The following ZNF891 variants were observed in gnomAD, a reference collection of about 807,000 sequenced individuals.
ZNF891 encodes the protein zinc finger protein 891.
For missense variants in ZNF891, 589 were observed against 632.7 expected, an observed-to-expected ratio of 0.93 and a Z score of 0.74; for synonymous variants, 199 against 209.0, an observed-to-expected ratio of 0.95 and a Z score of 0.41.
At position 133,108,440 on chromosome 12, in the gene ZNF891, CT is replaced by C. The variant is rs1353358682; in HGVS notation, c.*11843del. The C allele has an allele frequency of 1.3e-5, 2 of 152,100 alleles. No individual in the cohort carries two copies. Among genetic ancestry groups the C allele is most frequent in the African/African-American group, 2.4e-5 (1 of 41,418 alleles). 9.4% of individuals were successfully genotyped at this position (152,100 alleles called of 1,614,324 possible). On this transcript the variant is annotated 3_prime_UTR_variant, in exon 2 of 2. Coordinates refer to ENST00000537226, the MANE Select transcript of ZNF891 (RefSeq NM_001277291.2). ...TCTCCCATTATCTGCTCCACATCCA[CT>C]TTCCTTCCTACTGTTTACTCTGTGG...
Position 133,111,945 on chromosome 12 carries a change from A to AT in ZNF891, c.*8338dup, listed in dbSNP as rs1171425523. On this transcript the variant is annotated 3_prime_UTR_variant, in exon 2 of 2. Coordinates refer to ENST00000537226, the MANE Select transcript of ZNF891 (RefSeq NM_001277291.2). ...GCAAATAGCTTCCTAGTCTCTCAAG[A>AT]TTTTTTTATACAAAAATGTGATCTT... 1.3e-5 allele frequency: 2 copies of AT among 152,164 alleles called. No homozygotes were observed. The highest frequency in any genetic ancestry group is 4.8e-5 in the African/African-American group (2 of 41,448). 9.4% of individuals were successfully genotyped at this position (152,164 alleles called of 1,614,324 possible). A position where few individuals can be genotyped will look rare whatever the true frequency, so the allele number is the denominator to read the frequency against.
rs1020466821 is a variant in ZNF891 at position 133,106,928 on chromosome 12, G to A, written c.*13356C>T. Reference sequence around the variant, plus strand: ...GGTAATGTTGAGAAGACTTCATTTGGTAGGAGTCCCTTACTTTACGTGTGT... The same window carrying A: ...GGTAATGTTGAGAAGACTTCATTTGATAGGAGTCCCTTACTTTACGTGTGT... On this transcript the variant is annotated 3_prime_UTR_variant, in exon 2 of 2. Coordinates refer to ENST00000537226, the MANE Select transcript of ZNF891 (RefSeq NM_001277291.2). 31 of 257,620 alleles carry A rather than the reference G, an allele frequency of 1.2e-4. No homozygotes were observed. Among genetic ancestry groups the A allele is most frequent in the African/African-American group, 6.3e-4 (28 of 44,444 alleles). The allele number at this position is 257,620 out of a possible 1,614,324, so 16.0% of individuals were successfully genotyped here. A position where few individuals can be genotyped will look rare whatever the true frequency, so the allele number is the denominator to read the frequency against.
intron 1 of ZNF891, among the ~76,000 whole-genome samples, chr12:133,127,751 T>C (rs983071808): frequency 6.6e-6 from 1 of 152,206 alleles, no homozygotes; most frequent in Non-Finnish European, 1.5e-5. Context: ...GCCAGCGTGC[T>C]GCATGCCTAC....
In ZNF891 at chr12:133,120,335, G is replaced by A. The variant is rs879828881; in HGVS notation, c.1584C>T (p.Ser528=). 1 of 1,568,130 alleles carries A rather than the reference G, an allele frequency of 6.4e-7. No individual in the cohort carries two copies. Among genetic ancestry groups the A allele is most frequent in the Non-Finnish European group, 8.6e-7 (1 of 1,159,656 alleles). Residue 528 remains serine (S), a synonymous_variant, in exon 2 of 2, where the codon AGC becomes AGT. Coordinates refer to ENST00000537226, the MANE Select transcript of ZNF891 (RefSeq NM_001277291.2). ...CIQCGKAFSQ[S]SSLIIHKRIH... ...TTCTCTTGTGTATAATAAGTGAAGA[G>A]CTCTGACTGAAGGCTTTTCCACATT...
chr12:133,126,416 G>A (rs957351353), intron 1 of ZNF891, among the ~76,000 whole-genome samples: 5 of 147,830 alleles, frequency 3.4e-5, no homozygotes, highest in African/African-American at 1.2e-4. Context: ...GGAGCTTGCA[G>A]TGAGCCGAGG....
rs933634302 is a variant in ZNF891, at chr12:133,106,061, C to A, written c.*14223G>T. 4 of 1,614,032 alleles carry A rather than the reference C, an allele frequency of 2.5e-6. No homozygotes were observed. The highest frequency in any genetic ancestry group is 3.4e-6 in the Non-Finnish European group (4 of 1,180,014). On this transcript the variant is annotated 3_prime_UTR_variant, in exon 2 of 2. Transcript: ENST00000537226. The stretch of plus-strand genomic sequence containing the variant: ...CTTTAGCCGTGCCTCCAACCTCACT[C>A]GACATCAAAGAATTCACATAGGAAA...
rs907555729 is a variant in ZNF891, at chr12:133,116,489, G to A, written c.*3795C>T. The A allele has an allele frequency of 1.5e-4, 23 of 152,268 alleles. No homozygotes were observed. The highest frequency in any genetic ancestry group is 5.1e-4 in the African/African-American group (21 of 41,436). The allele number at this position is 152,268 out of a possible 1,614,324, so 9.4% of individuals were successfully genotyped here. On this transcript the variant is annotated 3_prime_UTR_variant, in exon 2 of 2. Transcript: ENST00000537226. ...CTGAAACCACTTGGTTTCACAGCAT[G>A]ACTGCAGGCTCTCCTTTCCAAGCTA...
chr12:133,120,379 T>C lies in ZNF891; in HGVS notation c.1540A>G (p.Lys514Glu). The change falls in exon 2 of 2, where the codon AAA becomes GAA. Residue 514 changes from lysine (K) to glutamate (E), a missense_variant. Coordinates refer to ENST00000537226, the MANE Select transcript of ZNF891 (RefSeq NM_001277291.2). ...RRHVRIHTGEKPYECIQCGKA... is the reference protein window; with the variant it reads ...RRHVRIHTGEEPYECIQCGKA... ...CCACATTGAATACATTCATAGGGTT[T>C]CTCTCCAGTGTGAATTCTCACATGC... 6.3e-7 allele frequency: 1 copy of C among 1,593,920 alleles called. No homozygotes were observed. The highest frequency in any genetic ancestry group is 8.5e-7 in the Non-Finnish European group (1 of 1,171,056).
At position 133,117,510 on chromosome 12, in the gene ZNF891, T is replaced by C. The variant is rs1189073815; in HGVS notation, c.*2774A>G. Reference sequence around the variant, plus strand: ...ACCCATTTTTCTACTCCTGAAAGAATGGTGGGAGTATCCCTCCGCCTCATG... The same window carrying C: ...ACCCATTTTTCTACTCCTGAAAGAACGGTGGGAGTATCCCTCCGCCTCATG... On this transcript the variant is annotated 3_prime_UTR_variant, in exon 2 of 2. Transcript: ENST00000537226. 6.6e-6 allele frequency: 1 copy of C among 152,220 alleles called. No individual in the cohort carries two copies. Among genetic ancestry groups the C allele is most frequent in the East Asian group, 1.9e-4 (1 of 5,200 alleles). The allele number at this position is 152,220 out of a possible 1,614,324, so 9.4% of individuals were successfully genotyped here. A position where few individuals can be genotyped will look rare whatever the true frequency, so the allele number is the denominator to read the frequency against.
Position 133,118,671 on chromosome 12 carries a change from A to G in ZNF891, c.*1613T>C, listed in dbSNP as rs543319292. 1 of 152,322 alleles carries G rather than the reference A, an allele frequency of 6.6e-6. No homozygotes were observed. Among genetic ancestry groups the G allele is most frequent in the South Asian group, 2.1e-4 (1 of 4,826 alleles). The allele number at this position is 152,322 out of a possible 1,614,324, so 9.4% of individuals were successfully genotyped here. A position where few individuals can be genotyped will look rare whatever the true frequency, so the allele number is the denominator to read the frequency against. On this transcript the variant is annotated 3_prime_UTR_variant, in exon 2 of 2. Transcript: ENST00000537226. ...AAATTGGTAACTTCCCCTCTGTCTG[A>G]AAACTTTCTGTAGTTCCAATGCTGA...
chr12:133,124,995 C>T (rs1158784782), intron 1 of ZNF891, among the ~76,000 whole-genome samples: 1 of 151,786 alleles, frequency 6.6e-6, no homozygotes, highest in African/African-American at 2.4e-5. Flanking sequence ...ACAGCATATT[C>T]AAAAGAGCAC....
Position 133,106,218 on chromosome 12 carries a change from C to T in ZNF891, c.*14066G>A. ...TGTGGGAAGGCATTTCGCCGTTTCT[C>T]ACACCTTACTCGACATCAGAGCATC... On this transcript the variant is annotated 3_prime_UTR_variant, in exon 2 of 2. Coordinates refer to ENST00000537226, the MANE Select transcript of ZNF891 (RefSeq NM_001277291.2). 3 of 1,614,188 alleles carry T rather than the reference C, an allele frequency of 1.9e-6. No individual in the cohort carries two copies. Among genetic ancestry groups the T allele is most frequent in the Non-Finnish European group, 1.7e-6 (2 of 1,180,032 alleles).
rs780459683 is a variant in ZNF891 at position 133,120,343 on chromosome 12, T to A, written c.1576A>T (p.Ser526Cys). 6.3e-7 allele frequency: 1 copy of A among 1,576,246 alleles called. No individual in the cohort carries two copies. Residue 526 changes from serine to cysteine, a missense_variant, in exon 2 of 2, where the codon AGT (serine) becomes TGT (cysteine). Coordinates refer to ENST00000537226, the MANE Select transcript of ZNF891 (RefSeq NM_001277291.2). ...TGTATAATAAGTGAAGAGCTCTGAC[T>A]GAAGGCTTTTCCACATTGAATACAT... is the stretch of plus-strand genomic sequence containing the variant. ...YECIQCGKAF[S>C]QSSSLIIHKR...
At position 133,120,882 on chromosome 12, in the gene ZNF891, T is replaced by C; in HGVS notation, c.1037A>G (p.Lys346Arg). Reference protein sequence around the residue: ...TLYKKSHMGEKQYECKECGKV... With the variant: ...TLYKKSHMGERQYECKECGKV... Reference sequence around the variant, plus strand: ...ACCACATTCTTTACATTCATATTGTTTCTCACCCATGTGACTTTTCTTGTA... The same window carrying C: ...ACCACATTCTTTACATTCATATTGTCTCTCACCCATGTGACTTTTCTTGTA... The change falls in exon 2 of 2, where the codon AAA (lysine) becomes AGA (arginine). Residue 346 changes from lysine to arginine, a missense_variant. Lys to Arg is a conservative substitution (Grantham distance 26, BLOSUM62 2). Coordinates refer to ENST00000537226, the MANE Select transcript of ZNF891 (RefSeq NM_001277291.2). 6.5e-7 allele frequency: 1 copy of C among 1,541,054 alleles called. No individual in the cohort carries two copies. Among genetic ancestry groups the C allele is most frequent in the Middle Eastern group, 1.7e-4 (1 of 5,992 alleles).
chr12:133,120,076 G>T lies in ZNF891; in HGVS notation c.*208C>A. 1 of 443,026 alleles carries T rather than the reference G, an allele frequency of 2.3e-6. No homozygotes were observed. The highest frequency in any genetic ancestry group is 4.0e-6 in the Non-Finnish European group (1 of 252,626). 27.4% of individuals were successfully genotyped at this position (443,026 alleles called of 1,614,324 possible). Reference sequence around the variant, plus strand: ...AGAAACCAACAATAAAAAGATAACTGAAAATATACCTACCTCACATATTAA... The same window carrying T: ...AGAAACCAACAATAAAAAGATAACTTAAAATATACCTACCTCACATATTAA... On this transcript the variant is annotated 3_prime_UTR_variant, in exon 2 of 2. Transcript: ENST00000537226.
At chr12:133,125,268 A>T (rs1007242744) in intron 1 of ZNF891, among the ~76,000 whole-genome samples, 2 of 152,154 alleles carry the variant, frequency 1.3e-5, no homozygotes, top group Non-Finnish European at 2.9e-5. Context: ...GGCCTCCTGA[A>T]TGGCTGGGAC....
chr12:133,113,379 T>C lies in ZNF891; in HGVS notation c.*6905A>G, dbSNP rs1202001837. 1 of 152,044 alleles carries C rather than the reference T, an allele frequency of 6.6e-6. No individual in the cohort carries two copies. Among genetic ancestry groups the C allele is most frequent in the Non-Finnish European group, 1.5e-5 (1 of 67,960 alleles). The allele number at this position is 152,044 out of a possible 1,614,324, so 9.4% of individuals were successfully genotyped here. A position where few individuals can be genotyped will look rare whatever the true frequency, so the allele number is the denominator to read the frequency against. ...CCATTGATAAAACTTTGGTGTTATGTCTTTCCATATTTTCAATGCACACAC... is the reference window on the plus strand; with the variant it reads ...CCATTGATAAAACTTTGGTGTTATGCCTTTCCATATTTTCAATGCACACAC... On this transcript the variant is annotated 3_prime_UTR_variant, in exon 2 of 2. Transcript: ENST00000537226.
Position 133,120,838 on chromosome 12 carries a change from A to G in ZNF891, c.1081T>C (p.Ser361Pro), listed in dbSNP as rs1211548841. The stretch of plus-strand genomic sequence containing the variant: ...GTTCTTACATGTCTCCTTAAGGTTG[A>G]GGAATCATTGAACACTTTACCACAT... ...KECGKVFNDSSTLRRHVRTHT... is the reference protein window; with the variant it reads ...KECGKVFNDSPTLRRHVRTHT... Residue 361 changes from serine to proline, a missense_variant, in exon 2 of 2, where the codon TCA (serine) becomes CCA (proline). Transcript: ENST00000537226. 2 of 1,556,010 alleles carry G rather than the reference A, an allele frequency of 1.3e-6. No individual in the cohort carries two copies. Among genetic ancestry groups the G allele is most frequent in the Admixed American group, 3.8e-5 (2 of 51,994 alleles).
At position 133,117,175 on chromosome 12, in the gene ZNF891, C is replaced by T. The variant is rs1004725239; in HGVS notation, c.*3109G>A. ...CTCCTTGCAGAATTTCATCCACCTT[C>T]CTCTTAGCAGATAATCTTACCATGA... On this transcript the variant is annotated 3_prime_UTR_variant, in exon 2 of 2. Transcript: ENST00000537226. 8 of 152,308 alleles carry T rather than the reference C, an allele frequency of 5.3e-5. 1 individual carries two copies. In the South Asian group the frequency reaches 6.2e-4, roughly 12 times the overall value. 9.4% of individuals were successfully genotyped at this position (152,308 alleles called of 1,614,324 possible). A position where few individuals can be genotyped will look rare whatever the true frequency, so the allele number is the denominator to read the frequency against.
Sources: allele counts gnomAD v4.1 joint callset (sites outside exome capture counted in the v4.1 genomes callset), GRCh38; gene constraint gnomAD v4.1.1; transcripts MANE v1.5; gene names NCBI Gene and HGNC (gene_info 2026-07-23, HGNC 2026-07-21).